Variants in IFFO2 observed in about 807,000 individuals in gnomAD.
IFFO2 encodes the protein intermediate filament family orphan 2.
IFFO2 carries 19 observed loss-of-function variants against 53.5 expected under a neutral mutation model. The observed-to-expected ratio is 0.36, with a 90% CI of 0.25 to 0.52. The LOEUF (loss-of-function observed/expected upper bound fraction) is 0.52, where lower values mean the gene tolerates loss of function less well. Among genes scored for constraint, IFFO2 ranks in the 20% least tolerant of loss-of-function variants. The pLI is 0.94. For missense variants in IFFO2, 570 were observed against 727.4 expected, an observed-to-expected ratio of 0.78 and a Z score of 2.49; for synonymous variants, 303 against 313.6, an observed-to-expected ratio of 0.97 and a Z score of 0.36.
chr1:18,911,951 C>T lies in IFFO2; in HGVS notation c.1224+12G>A, dbSNP rs1001318141. 33 of 1,551,454 alleles carry T rather than the reference C, an allele frequency of 2.1e-5. No individual in the cohort carries two copies. The highest frequency in any genetic ancestry group is 7.8e-5 in the Admixed American group (4 of 51,006). On this transcript the variant is annotated intron_variant, in intron 6 of 8. Transcript: ENST00000455833. Reference sequence around the variant, plus strand: ...TAGTCCTGGCCTTTGGGAAGCCAGGCGCTGGGCTTACCTCGCCCTGCAGGT... The same window carrying T: ...TAGTCCTGGCCTTTGGGAAGCCAGGTGCTGGGCTTACCTCGCCCTGCAGGT...
chr1:18,929,863 A>T (rs888821026), intron 1 of IFFO2, among the ~76,000 whole-genome samples: 3 of 152,174 alleles, frequency 2.0e-5, no homozygotes, highest in Admixed American at 2.0e-4. Context: ...TAATGCAATG[A>T]TGTCAAACTG....
At chr1:18,955,097 G>T (rs936280549) in intron 1 of IFFO2, among the ~76,000 whole-genome samples, 7 of 152,154 alleles carry the variant, frequency 4.6e-5, no homozygotes, top group African/African-American at 9.7e-5. Context: ...TTTCAAAAAC[G>T]TGATCTCATT....
chr1:18,935,569 C>T (rs908494854), intron 1 of IFFO2, among the ~76,000 whole-genome samples: 8 of 152,120 alleles, frequency 5.3e-5, no homozygotes, highest in Non-Finnish European at 4.4e-5. Context: ...GAGGCTGACC[C>T]GACTCCTTGG....
Position 18,916,781 on chromosome 1 carries a change from A to C in IFFO2, c.1103+122T>G, listed in dbSNP as rs1237605606. 8 of 1,275,786 alleles carry C rather than the reference A, an allele frequency of 6.3e-6. No individual in the cohort carries two copies. In the South Asian group the frequency reaches 9.3e-5, roughly 15 times the overall value. 79.0% of individuals were successfully genotyped at this position (1,275,786 alleles called of 1,614,324 possible). On this transcript the variant is annotated intron_variant, in intron 5 of 8. Coordinates refer to ENST00000455833, the MANE Select transcript of IFFO2 (RefSeq NM_001136265.2). This position sits in a 1 kb window ranked among gnomAD's most constrained non-coding sequence, Gnocchi z 4.3. ...AAGTGAGACCCTGTCTCAAAAAAAAAAAGGAAATGAATTCAAATTCTTCCA... is the reference window on the plus strand; with the variant it reads ...AAGTGAGACCCTGTCTCAAAAAAAACAAGGAAATGAATTCAAATTCTTCCA...
In IFFO2 at chr1:18,917,845, G is replaced by T. The variant is rs1302133262; in HGVS notation, c.963+517C>A. 2.0e-5 allele frequency among the ~76,000 whole-genome samples: 3 copies of T among 152,186 alleles called. No homozygotes were observed. The highest frequency in any genetic ancestry group is 2.0e-4 in the Admixed American group (3 of 15,270). ...CCCACACTTGCACGTTAGGTCGGGG[G>T]GGTATCGAGAGCCTCTTTGGGGTGG... On this transcript the variant is annotated intron_variant, in intron 4 of 8. Transcript: ENST00000455833. This position sits in a 1 kb window ranked among gnomAD's most constrained non-coding sequence, Gnocchi z 5.9.
At chr1:18,938,082 G>A (rs1173297095) in intron 1 of IFFO2, among the ~76,000 whole-genome samples, 1 of 140,882 alleles carries the variant, frequency 7.1e-6, no homozygotes, top group Admixed American at 8.0e-5. Context: ...GAGGCCACTT[G>A]CAGCCACCCC....
At chr1:18,955,327 T>C (rs994130275) in intron 1 of IFFO2, among the ~76,000 whole-genome samples, 12 of 152,302 alleles carry the variant, frequency 7.9e-5, no homozygotes, top group African/African-American at 2.9e-4. Context: ...GGTTTCCTCA[T>C]CTGCGAGATG....
Position 18,953,791 on chromosome 1 carries a change from C to T in IFFO2, c.665+1877G>A, listed in dbSNP as rs532667149. On this transcript the variant is annotated intron_variant, in intron 1 of 8. Transcript: ENST00000455833. ...CGCCAGAAGCTGACATCACACCCCA[C>T]GCCCTGGGTGCAACTTGAATAGATC... Among the ~76,000 whole-genome samples, 4 of 152,196 alleles carry T rather than the reference C, an allele frequency of 2.6e-5. 1 individual carries two copies. Among genetic ancestry groups the T allele is most frequent in the African/African-American group, 9.7e-5 (4 of 41,446 alleles).
rs557025670 is a variant in IFFO2, at chr1:18,956,149, C to G, written c.184G>C (p.Val62Leu). ...TTAGCCAGGAAGCAGCGGAAGCGCA[C>G]GTTGAGCCCCTTCAAGAGGTGGATG... ...SNIHLLKGLNVRFRCFLAKVH... is the reference protein window; with the variant it reads ...SNIHLLKGLNLRFRCFLAKVH... Residue 62 changes from valine to leucine, a missense_variant, in exon 1 of 9, where the codon GTG becomes CTG. By Grantham distance (32) the Val-to-Leu change is conservative. Transcript: ENST00000455833. This position sits in a 1 kb window ranked among gnomAD's most constrained non-coding sequence, Gnocchi z 6.4. 4.7e-4 allele frequency: 700 copies of G among 1,495,822 alleles called. No individual in the cohort carries two copies. Among genetic ancestry groups the G allele is most frequent in the Non-Finnish European group, 6.1e-4 (680 of 1,114,054 alleles). 92.7% of individuals were successfully genotyped at this position (1,495,822 alleles called of 1,614,324 possible). A position where few individuals can be genotyped will look rare whatever the true frequency, so the allele number is the denominator to read the frequency against.
chr1:18,913,978 C>T (rs1220385244), intron 5 of IFFO2, among the ~76,000 whole-genome samples: 3 of 150,296 alleles, frequency 2.0e-5, no homozygotes, highest in African/African-American at 2.5e-5. Context: ...ACTACAGGCG[C>T]CCGCCACCAC....
At chr1:18,934,666 C>T (rs1043937499) in intron 1 of IFFO2, among the ~76,000 whole-genome samples, 2 of 152,186 alleles carry the variant, frequency 1.3e-5, no homozygotes, top group East Asian at 1.9e-4. Flanking sequence ...GAGAGAATTA[C>T]GGTTAACATC....
Position 18,916,300 on chromosome 1 carries a change from A to T in IFFO2, c.1103+603T>A, listed in dbSNP as rs28593173. Among the ~76,000 whole-genome samples the T allele has an allele frequency of 0.019, 2,930 of 152,190 alleles. 82 individuals are homozygous for T. The highest frequency in any genetic ancestry group is 0.066 in the African/African-American group (2,756 of 41,482). On this transcript the variant is annotated intron_variant, in intron 5 of 8. Coordinates refer to ENST00000455833, the MANE Select transcript of IFFO2 (RefSeq NM_001136265.2). The surrounding 1 kb of genome is among the most constrained non-coding windows in gnomAD (Gnocchi z 4.3). ...GAAGCTTTCGAAGGAAAGGCAGGAG[A>T]ATGGCAGACAGGGAACATAAAGGAT...
intron 5 of IFFO2, among the ~76,000 whole-genome samples, chr1:18,914,170 C>T (rs1936096674): frequency 6.6e-6 from 1 of 152,328 alleles, no homozygotes; most frequent in South Asian, 2.1e-4. Flanking sequence ...CCAGCTAAAT[C>T]GAATTCCATA....
rs774198059 is a variant in IFFO2 at position 18,911,914 on chromosome 1, C to T, written c.1224+49G>A. 9 of 1,546,724 alleles carry T rather than the reference C, an allele frequency of 5.8e-6. No homozygotes were observed. In the South Asian group the frequency reaches 8.3e-5, roughly 14 times the overall value. On this transcript the variant is annotated intron_variant, in intron 6 of 8. Coordinates refer to ENST00000455833, the MANE Select transcript of IFFO2 (RefSeq NM_001136265.2). Reference sequence around the variant, plus strand: ...ATGAGGGACCATTGAAAGGCGGTGTCCCCCAGACCCCTAGTCCTGGCCTTT... The same window carrying T: ...ATGAGGGACCATTGAAAGGCGGTGTTCCCCAGACCCCTAGTCCTGGCCTTT...
chr1:18,942,776 T>G (rs1471835574), intron 1 of IFFO2, among the ~76,000 whole-genome samples: 1 of 152,190 alleles, frequency 6.6e-6, no homozygotes, highest in Non-Finnish European at 1.5e-5. Context: ...CAGCAGTAGC[T>G]TGCTGAGTTC....
rs1268801398 is a variant in IFFO2 at position 18,907,182 on chromosome 1, AAAT to A, written c.*1376_*1378del. ...ACAGACCCACTGCAGTAGGCTTAAA[AAAT>A]AATAATAAAGCAAAGCCTGCTCAGC... On this transcript the variant is annotated 3_prime_UTR_variant, in exon 9 of 9. Coordinates refer to ENST00000455833, the MANE Select transcript of IFFO2 (RefSeq NM_001136265.2). 6.6e-6 allele frequency: 1 copy of A among 152,242 alleles called. No individual in the cohort carries two copies. The highest frequency in any genetic ancestry group is 1.5e-5 in the Non-Finnish European group (1 of 68,048). The allele number at this position is 152,242 out of a possible 1,614,324, so 9.4% of individuals were successfully genotyped here.
At chr1:18,913,815 T>C (rs1411146927) in intron 5 of IFFO2, among the ~76,000 whole-genome samples, 4 of 111,816 alleles carry the variant, frequency 3.6e-5, no homozygotes, top group African/African-American at 1.1e-4. Context: ...TTGTTTGTTG[T>C]TGTTGTTGTT....
rs1256656194 is a variant in IFFO2 at position 18,947,959 on chromosome 1, G to A, written c.665+7709C>T. Among the ~76,000 whole-genome samples, 4 of 152,322 alleles carry A rather than the reference G, an allele frequency of 2.6e-5. No homozygotes were observed. Among genetic ancestry groups the A allele is most frequent in the Admixed American group, 2.6e-4 (4 of 15,308 alleles). ...CATGGGACAAGGCCACCTCCTGGGA[G>A]GAGCACTGACCTTGGGGTCCAGAGA... On this transcript the variant is annotated intron_variant, in intron 1 of 8. Coordinates refer to ENST00000455833, the MANE Select transcript of IFFO2 (RefSeq NM_001136265.2). The surrounding 1 kb of genome is among the most constrained non-coding windows in gnomAD (Gnocchi z 5.0).
chr1:18,948,268 AC>A (rs1341720847), intron 1 of IFFO2, among the ~76,000 whole-genome samples: 1 of 152,092 alleles, frequency 6.6e-6, no homozygotes, highest in Non-Finnish European at 1.5e-5. Flanking sequence ...AAGAAACCAC[AC>A]CCCCATTGTA....
Sources: allele counts gnomAD v4.1 joint callset (sites outside exome capture counted in the v4.1 genomes callset), GRCh38; gene constraint gnomAD v4.1.1; non-coding constraint Gnocchi (gnomAD v3.1); transcripts MANE v1.5; gene names NCBI Gene and HGNC (gene_info 2026-07-23, HGNC 2026-07-21).